Variants in SLC44A5 observed in about 807,000 individuals in gnomAD.
SLC44A5 encodes the protein solute carrier family 44 member 5, also known as choline transporter-like protein 5.
Under a neutral mutation model 101.8 loss-of-function variants are expected in SLC44A5, and 57 were observed. The ratio of observed to expected loss-of-function variants is 0.56; its 90% CI spans 0.45 to 0.70. SLC44A5 has a LOEUF of 0.70. Among genes scored for constraint, SLC44A5 ranks in the 30% least tolerant of loss-of-function variants. The pLI, the probability that SLC44A5 is intolerant of heterozygous loss-of-function variation, is 0.00. For missense variants in SLC44A5, 737 were observed against 853.1 expected (o/e 0.86, Z 1.70); for synonymous variants, 281 against 290.9 (o/e 0.97, Z 0.35).
intron 2 of SLC44A5, among the ~76,000 whole-genome samples, chr1:75,422,940 G>A (rs1664098488): frequency 1.3e-5 from 2 of 152,086 alleles, no homozygotes; most frequent in African/African-American, 4.8e-5. Flanking sequence ...TTCTCTTCCT[G>A]TTGTCTTTAT....
At chr1:75,683,456 G>C in the SLC44A5 span, among the ~76,000 whole-genome samples, 4 of 151,782 alleles carry the variant, frequency 2.6e-5, no homozygotes, top group African/African-American at 9.7e-5. Flanking sequence ...GTCCTTTGTA[G>C]GGACATGGAT....
At chr1:75,701,369 C>A in the SLC44A5 span, among the ~76,000 whole-genome samples, 1 of 152,176 alleles carries the variant, frequency 6.6e-6, no homozygotes, top group African/African-American at 2.4e-5. Flanking sequence ...AATCAATAAA[C>A]ATAATCCAGC....
rs138753170 is a variant in SLC44A5, at chr1:75,468,517, A to G, written c.14-71896T>C. Among the ~76,000 whole-genome samples, 614 of 152,354 alleles carry G rather than the reference A, an allele frequency of 4.0e-3. 5 individuals carry two copies. Among genetic ancestry groups the G allele is most frequent in the African/African-American group, 0.014 (589 of 41,588 alleles). On this transcript the variant is annotated intron_variant, in intron 2 of 23. Coordinates refer to ENST00000370859, the MANE Select transcript of SLC44A5 (RefSeq NM_001130058.2). ...AAAGAACTAGAGCCTGTCATATGCA[A>G]CAACATGGATGAAATTGGAGGTCAT...
intron 5 of SLC44A5, among the ~76,000 whole-genome samples, chr1:75,282,759 C>T (rs1652709889): frequency 6.6e-6 from 1 of 152,112 alleles, no homozygotes. Context: ...ACTTCTTCTT[C>T]CTGCCACCAT....
chr1:75,251,048 A>G (rs1649525802), intron 7 of SLC44A5, among the ~76,000 whole-genome samples, 162 bp downstream of exon 7: 1 of 152,194 alleles, frequency 6.6e-6, no homozygotes, highest in Non-Finnish European at 1.5e-5. Flanking sequence ...ATTGTATATA[A>G]ACAAATATAA....
At chr1:75,480,014 G>A (rs567092096) in intron 2 of SLC44A5, among the ~76,000 whole-genome samples, 2 of 152,254 alleles carry the variant, frequency 1.3e-5, no homozygotes, top group East Asian at 3.9e-4. Flanking sequence ...TAAAATACTG[G>A]CAAACCGAAT....
intron 3 of SLC44A5, among the ~76,000 whole-genome samples, chr1:75,373,858 AC>A (rs1660390515): frequency 6.6e-6 from 1 of 151,972 alleles, no homozygotes; most frequent in East Asian, 2.0e-4. Flanking sequence ...CCGAGTCCCT[AC>A]CCCCCAGGAT....
rs187204201 is a variant in SLC44A5 at position 75,261,135 on chromosome 1, A to G, written c.261-9841T>C. Among the ~76,000 whole-genome samples, 7 of 152,296 alleles carry G rather than the reference A, an allele frequency of 4.6e-5. No individual in the cohort carries two copies. The East Asian group carries it at 1.3e-3, about 29-fold the overall frequency. ...GAACTAGAGAAGCAAGAGCAAACAA[A>G]TTCAAAAGCTAGCAGAAAGCAAGAA... On this transcript the variant is annotated intron_variant, in intron 6 of 23. Transcript: ENST00000370859.
intron 5 of SLC44A5, among the ~76,000 whole-genome samples, chr1:75,282,836 T>C (rs1057268310): frequency 6.6e-6 from 1 of 152,178 alleles, no homozygotes. Context: ...TCCCCAGCCA[T>C]GCTGAACTGT....
chr1:75,547,755 T>C (rs1307029022), intron 1 of SLC44A5, among the ~76,000 whole-genome samples: 1 of 152,214 alleles, frequency 6.6e-6, no homozygotes, highest in Admixed American at 6.5e-5. Context: ...ATGCACCTGC[T>C]CATTCCTCTT....
intron 12 of SLC44A5, among the ~76,000 whole-genome samples, chr1:75,228,772 TA>T (rs1248127442): frequency 2.0e-5 from 3 of 151,784 alleles, no homozygotes; most frequent in Non-Finnish European, 4.4e-5. Flanking sequence ...TTAATAAGCC[TA>T]GAGTCAATAT....
intron 5 of SLC44A5, among the ~76,000 whole-genome samples, chr1:75,292,428 T>C (rs1236324614): frequency 6.6e-6 from 1 of 152,208 alleles, no homozygotes; most frequent in Non-Finnish European, 1.5e-5. Flanking sequence ...GAGGTTTTTC[T>C]GGCCAAAGAA....
chr1:75,709,489 A>C, the SLC44A5 span, among the ~76,000 whole-genome samples: 1 of 152,218 alleles, frequency 6.6e-6, no homozygotes, highest in Non-Finnish European at 1.5e-5. Flanking sequence ...CTGAAGCTCA[A>C]GTCTTTGAAG....
Position 75,202,643 on chromosome 1 carries a change from A to G in SLC44A5, c.*1084T>C, listed in dbSNP as rs1018480894. The G allele has an allele frequency of 6.6e-6, 1 of 152,202 alleles. No homozygotes were observed. Among genetic ancestry groups the G allele is most frequent in the African/African-American group, 2.4e-5 (1 of 41,462 alleles). The allele number at this position is 152,202 out of a possible 1,614,324, so 9.4% of individuals were successfully genotyped here. A position where few individuals can be genotyped will look rare whatever the true frequency, so the allele number is the denominator to read the frequency against. Reference sequence around the variant, plus strand: ...AGTTAGAAAATGAAGTGGCATATATAGAACAGGCTTTGATGAAAATAAATG... The same window carrying G: ...AGTTAGAAAATGAAGTGGCATATATGGAACAGGCTTTGATGAAAATAAATG... On this transcript the variant is annotated 3_prime_UTR_variant, in exon 24 of 24. Coordinates refer to ENST00000370859, the MANE Select transcript of SLC44A5 (RefSeq NM_001130058.2).
At chr1:75,417,061 C>A (rs1663697288) in intron 2 of SLC44A5, among the ~76,000 whole-genome samples, 2 of 152,044 alleles carry the variant, frequency 1.3e-5, no homozygotes, top group South Asian at 4.1e-4. Flanking sequence ...AAATGTGAAG[C>A]TACGAGATTT....
intron 2 of SLC44A5, among the ~76,000 whole-genome samples, chr1:75,422,494 T>A: frequency 6.6e-6 from 1 of 152,070 alleles, no homozygotes; most frequent in East Asian, 1.9e-4. Flanking sequence ...GATAAAAACT[T>A]AGAAAGTAAA....
At chr1:75,506,414 C>T (rs1200043232) in intron 2 of SLC44A5, among the ~76,000 whole-genome samples, 2 of 152,000 alleles carry the variant, frequency 1.3e-5, no homozygotes, top group African/African-American at 4.8e-5. Flanking sequence ...TAAGAACAGG[C>T]TTGAATCTAT....
intron 6 of SLC44A5, among the ~76,000 whole-genome samples, chr1:75,257,434 G>A (rs561248975): frequency 1.3e-5 from 2 of 152,236 alleles, no homozygotes; most frequent in East Asian, 3.9e-4. Flanking sequence ...AAGCAAGAAT[G>A]CCAGAATTCA....
At chr1:75,618,006 G>A in the SLC44A5 span, among the ~76,000 whole-genome samples, 1 of 152,192 alleles carries the variant, frequency 6.6e-6, no homozygotes, top group African/African-American at 2.4e-5. Flanking sequence ...GGTGAAATGG[G>A]ATTCGTGGAG....
Sources: allele counts gnomAD v4.1 joint callset (sites outside exome capture counted in the v4.1 genomes callset), GRCh38; gene constraint gnomAD v4.1.1; transcripts MANE v1.5; gene names NCBI Gene and HGNC (gene_info 2026-07-23, HGNC 2026-07-21).